The following CCDC7 variants were observed in gnomAD, a reference collection of about 807,000 sequenced individuals.
CCDC7 encodes coiled-coil domain containing 7.
Under a neutral mutation model 196.9 loss-of-function variants are expected in CCDC7, and 183 were observed. That is an observed-to-expected ratio of 0.93 (90% CI 0.82 to 1.05). The LOEUF is 1.05. CCDC7 is among the 50% of genes least tolerant of loss of function. The pLI is 0.00. For synonymous variants in CCDC7, 525 were observed against 484.6 expected (o/e 1.08, Z -1.10); for missense variants, 1,540 against 1,482.2 (o/e 1.04, Z -0.64).
Position 32,532,255 on chromosome 10 carries a change from G to T in CCDC7, c.994-11045G>T, listed in dbSNP as rs539708349. ...GTATTCCCATTTTCATTTGTTTGAA[G>T]AAATTTTTAAGTGTCATTCTTAATT... is the stretch of plus-strand genomic sequence containing the variant. On this transcript the variant is annotated intron_variant, in intron 11 of 41. Coordinates refer to ENST00000639629, the Ensembl canonical transcript of CCDC7. Among the ~76,000 whole-genome samples the T allele has an allele frequency of 1.6e-4, 24 of 152,196 alleles. 1 individual carries two copies. In the South Asian group the frequency reaches 5.0e-3, roughly 32 times the overall value.
chr10:32,703,471 G>T (rs1291675620), intron 24 of CCDC7, among the ~76,000 whole-genome samples: 2 of 151,834 alleles, frequency 1.3e-5, no homozygotes, highest in Non-Finnish European at 2.9e-5. Flanking sequence ...TTCTACTTTG[G>T]TGAATCTGAC....
intron 29 of CCDC7, among the ~76,000 whole-genome samples, chr10:32,802,371 T>C (rs1039049536): frequency 2.0e-5 from 3 of 152,184 alleles, no homozygotes; most frequent in African/African-American, 7.2e-5. Context: ...TCTAAACAGT[T>C]CACACCAAGA....
At chr10:32,746,822 T>C (rs183111184) in intron 28 of CCDC7, among the ~76,000 whole-genome samples, 10 of 152,316 alleles carry the variant, frequency 6.6e-5, no homozygotes, top group Admixed American at 6.5e-4. Flanking sequence ...CTCCCCTCAA[T>C]GCTTTGCCAG....
chr10:32,694,926 T>C (rs1479021642), exon 24 of CCDC7: 1 of 1,606,224 alleles, frequency 6.2e-7, no homozygotes, highest in Non-Finnish European at 8.5e-7. Flanking sequence ...ACATCAAGAT[T>C]CAGTGTCAAA....
At chr10:32,658,711 C>T (rs1591502) in intron 20 of CCDC7, among the ~76,000 whole-genome samples, 140,610 of 152,204 alleles carry the variant, frequency 0.92, 65,924 homozygotes, top group East Asian at 1. Context: ...GCAACGGCAT[C>T]GATGAACCTG....
At chr10:32,847,024 A>G (rs2995467) in intron 37 of CCDC7, among the ~76,000 whole-genome samples, 52,004 of 152,092 alleles carry the variant, frequency 0.34, 11,331 homozygotes, top group Non-Finnish European at 0.49. Context: ...TGTGATACAA[A>G]AAGAGGCAGA....
chr10:32,568,281 A>G (rs542911183), intron 15 of CCDC7, among the ~76,000 whole-genome samples: 67 of 152,288 alleles, frequency 4.4e-4, no homozygotes, highest in Non-Finnish European at 8.1e-4. Flanking sequence ...CTGGGATTAC[A>G]GGCATGAGCC....
chr10:32,466,244 G>A (rs543398166), intron 5 of CCDC7, among the ~76,000 whole-genome samples: 1 of 120,558 alleles, frequency 8.3e-6, no homozygotes, highest in South Asian at 2.9e-4. Flanking sequence ...TTTTCAAGGA[G>A]TGTTTCTCTC....
chr10:32,788,360 C>T (rs966896635), intron 29 of CCDC7, among the ~76,000 whole-genome samples: 2 of 152,184 alleles, frequency 1.3e-5, no homozygotes, highest in Non-Finnish European at 2.9e-5. Context: ...ATCAACTAAG[C>T]TTTATTCCTG....
At chr10:32,747,864 A>AT (rs1227469368) in intron 28 of CCDC7, among the ~76,000 whole-genome samples, 1 of 152,232 alleles carries the variant, frequency 6.6e-6, no homozygotes, top group African/African-American at 2.4e-5. Flanking sequence ...ATTACTGGTT[A>AT]TATAGCCAAA....
At chr10:32,874,394 C>T (rs1020367348) in intron 41 of CCDC7, among the ~76,000 whole-genome samples, 1 of 151,408 alleles carries the variant, frequency 6.6e-6, no homozygotes, top group Non-Finnish European at 1.5e-5. Flanking sequence ...GAGTTGTGTG[C>T]ATTATACCCA....
intron 29 of CCDC7, among the ~76,000 whole-genome samples, chr10:32,804,151 G>T (rs2085350361): frequency 6.6e-6 from 1 of 152,086 alleles, no homozygotes. Context: ...ATGTGCTGCT[G>T]GAACTAGATT....
chr10:32,474,635 T>C (rs922847015), intron 8 of CCDC7, among the ~76,000 whole-genome samples: 1 of 152,176 alleles, frequency 6.6e-6, no homozygotes, highest in East Asian at 1.9e-4. Flanking sequence ...CTTTGAGGTG[T>C]GGCAGTGATA....
intron 11 of CCDC7, among the ~76,000 whole-genome samples, chr10:32,540,596 T>C (rs1180485666): frequency 2.0e-5 from 3 of 152,314 alleles, no homozygotes; most frequent in African/African-American, 7.2e-5. Context: ...TGAAAAGATC[T>C]TATTTCTCTT....
At chr10:32,816,778 G>A (rs544766358) in intron 31 of CCDC7, among the ~76,000 whole-genome samples, 130 of 152,262 alleles carry the variant, frequency 8.5e-4, no homozygotes, top group Non-Finnish European at 1.5e-3. Flanking sequence ...TGAGGGTCCT[G>A]ACTATTAGAA....
intron 28 of CCDC7, among the ~76,000 whole-genome samples, chr10:32,734,073 A>G (rs986850198): frequency 3.9e-5 from 6 of 152,328 alleles, no homozygotes; most frequent in Admixed American, 6.5e-5. Context: ...CAATCCTATT[A>G]CTGGGTATAT....
chr10:32,471,587 CCT>C (rs2037958231), intron 6 of CCDC7, among the ~76,000 whole-genome samples: 1 of 152,052 alleles, frequency 6.6e-6, no homozygotes, highest in Admixed American at 6.5e-5. Context: ...TTAGGAAACT[CCT>C]AGTAATAAAT....
intron 20 of CCDC7, among the ~76,000 whole-genome samples, chr10:32,638,441 G>GA (rs1216607266): frequency 6.6e-6 from 1 of 152,004 alleles, no homozygotes; most frequent in Non-Finnish European, 1.5e-5. Context: ...TTAGCATGAA[G>GA]GTTGTTGAAT....
At chr10:32,702,943 C>T (rs2079016252) in intron 24 of CCDC7, among the ~76,000 whole-genome samples, 1 of 152,156 alleles carries the variant, frequency 6.6e-6, no homozygotes, top group African/African-American at 2.4e-5. Context: ...GAATACAGCA[C>T]ACTGATGGGT....
Sources: gnomAD v4.1 joint callset for allele counts (sites outside exome capture counted in the v4.1 genomes callset) on GRCh38, gnomAD v4.1.1 for gene constraint, MANE v1.5 for transcripts, NCBI Gene and HGNC (gene_info 2026-07-23, HGNC 2026-07-21) for gene names.